The following ADGB variants were observed in gnomAD, a reference collection of about 807,000 sequenced individuals.
The protein encoded by ADGB is calpain-7-like protein.
Under a neutral mutation model 210.5 loss-of-function variants are expected in ADGB, and 172 were observed. The observed-to-expected ratio is 0.82, with a 90% CI of 0.72 to 0.93. The LOEUF is 0.93. Among genes scored for constraint, ADGB ranks in the 40% least tolerant of loss-of-function variants. The probability of loss-of-function intolerance (pLI) is 0.00; values close to 1 mark genes in which losing one functional copy is unlikely to be tolerated. For synonymous variants in ADGB, 658 were observed against 662.7 expected (o/e 0.99, Z 0.11); for missense variants, 2,025 against 1,964.8 (o/e 1.03, Z -0.58).
intron 33 of ADGB, 57 bp from the exon 34 acceptor site, chr6:146,801,126 A>C: frequency 1.1e-6 from 1 of 869,816 alleles, no homozygotes; most frequent in Non-Finnish European, 1.7e-6. Context: ...TCATTTGGTT[A>C]GTCATTATTA....
intron 1 of ADGB, among the ~76,000 whole-genome samples, chr6:146,618,712 G>C (rs529809278): frequency 1.8e-4 from 27 of 152,158 alleles, no homozygotes; most frequent in African/African-American, 6.3e-4. Context: ...AGTCAGAAAA[G>C]ATACTTGATA....
At chr6:146,710,141 A>T (rs554593687) in intron 13 of ADGB, among the ~76,000 whole-genome samples, 6 of 151,014 alleles carry the variant, frequency 4.0e-5, no homozygotes, top group African/African-American at 1.4e-4. Context: ...ACATATATAT[A>T]TAAAATCATA....
intron 13 of ADGB, among the ~76,000 whole-genome samples, chr6:146,701,518 C>T (rs959879481): frequency 6.6e-6 from 1 of 151,938 alleles, no homozygotes; most frequent in Non-Finnish European, 1.5e-5. Context: ...AATATTCTTT[C>T]TCACTATTCT....
At chr6:146,679,868 A>G (rs915636377) in intron 9 of ADGB, among the ~76,000 whole-genome samples, 4 of 152,224 alleles carry the variant, frequency 2.6e-5, no homozygotes, top group Admixed American at 6.6e-5. Flanking sequence ...CCAATATTTG[A>G]GAAAAAATGA....
chr6:146,733,819 C>G, intron 21 of ADGB, 74 bp from the exon 22 acceptor site: 1 of 1,486,818 alleles, frequency 6.7e-7, no homozygotes, highest in Non-Finnish European at 9.1e-7. Context: ...AGGGCTTTGG[C>G]AGCTGAAGGC....
chr6:146,755,897 T>C (rs1030221605), intron 27 of ADGB, among the ~76,000 whole-genome samples: 1 of 152,140 alleles, frequency 6.6e-6, no homozygotes, highest in Non-Finnish European at 1.5e-5. Flanking sequence ...ATAACTGTTA[T>C]TTTTCTATAT....
At chr6:146,771,412 C>T (rs1231042281) in intron 29 of ADGB, among the ~76,000 whole-genome samples, 1 of 152,018 alleles carries the variant, frequency 6.6e-6, no homozygotes, top group Non-Finnish European at 1.5e-5. Flanking sequence ...ATGTTTATTT[C>T]TCTTTGCATG....
At chr6:146,792,847 T>C (rs148694834) in intron 33 of ADGB, among the ~76,000 whole-genome samples, 122 of 152,294 alleles carry the variant, frequency 8.0e-4, no homozygotes, top group African/African-American at 2.7e-3. Flanking sequence ...ATCATTTTAA[T>C]GTTTGCACCC....
intron 35 of ADGB, among the ~76,000 whole-genome samples, chr6:146,804,738 G>A (rs1778185706): frequency 6.6e-6 from 1 of 152,106 alleles, no homozygotes; most frequent in Non-Finnish European, 1.5e-5. Context: ...TCCACAATGT[G>A]GTCTCTGCTT....
chr6:146,778,748 A>AT, intron 29 of ADGB, among the ~76,000 whole-genome samples: 1 of 152,224 alleles, frequency 6.6e-6, no homozygotes, highest in South Asian at 2.1e-4. Flanking sequence ...GGCTAGATGA[A>AT]TTTTTCCACT....
chr6:146,635,590 G>T (rs1775406763), intron 2 of ADGB, 53 bp downstream of exon 2: 4 of 1,427,436 alleles, frequency 2.8e-6, no homozygotes, highest in South Asian at 3.0e-5. Context: ...ATTTTATAAT[G>T]GAATGAGATT....
rs900098309 is a variant in ADGB at position 146,784,807 on chromosome 6, C to T, written c.4212+13C>T. On this transcript the variant is annotated intron_variant, in intron 31 of 35. Transcript: ENST00000397944. Reference sequence around the variant, plus strand: ...AAGAGCAATCAAGGTCACCTGATTTCGAAAAGCTGTCATCTTTTACTTTTC... The same window carrying T: ...AAGAGCAATCAAGGTCACCTGATTTTGAAAAGCTGTCATCTTTTACTTTTC... 3 of 1,537,106 alleles carry T rather than the reference C, an allele frequency of 2.0e-6. No individual in the cohort carries two copies. The highest frequency in any genetic ancestry group is 2.6e-6 in the Non-Finnish European group (3 of 1,141,518).
At chr6:146,663,561 G>A (rs909548666) in intron 5 of ADGB, among the ~76,000 whole-genome samples, 5 of 151,924 alleles carry the variant, frequency 3.3e-5, no homozygotes, top group African/African-American at 1.2e-4. Context: ...ATGAATTTTG[G>A]GGAGAAACAT....
At chr6:146,664,465 T>C in intron 6 of ADGB, 125 bp downstream of exon 6, 1 of 1,000,144 alleles carries the variant, frequency 1.0e-6, no homozygotes, top group Non-Finnish European at 1.4e-6. Flanking sequence ...CTAAACAATG[T>C]AATGCTCTAG....
chr6:146,799,441 G>A (rs1012174933), intron 33 of ADGB, among the ~76,000 whole-genome samples: 1 of 151,436 alleles, frequency 6.6e-6, no homozygotes, highest in African/African-American at 2.4e-5. Context: ...GGCTGAAGCA[G>A]GAGAATCGCT....
intron 13 of ADGB, among the ~76,000 whole-genome samples, chr6:146,708,017 G>T (rs1776600839): frequency 6.6e-6 from 1 of 151,920 alleles, no homozygotes; most frequent in African/African-American, 2.4e-5. Flanking sequence ...ATACCATGAG[G>T]CTTACATCTT....
intron 26 of ADGB, among the ~76,000 whole-genome samples, chr6:146,749,821 GGAGAGA>G (rs113048302): frequency 1.3e-5 from 2 of 150,172 alleles, no homozygotes; most frequent in Admixed American, 1.3e-4. Flanking sequence ...TGGCAGAGCA[GGAGAGA>G]GAGAGAGAGA....
chr6:146,731,920 G>A (rs1776993674), intron 20 of ADGB, among the ~76,000 whole-genome samples: 1 of 152,044 alleles, frequency 6.6e-6, no homozygotes, highest in Non-Finnish European at 1.5e-5. Context: ...GGGGAGAGAG[G>A]CCAATCTTAC....
rs1052132019 is a variant in ADGB at position 146,769,110 on chromosome 6, T to C, written c.3841T>C (p.Leu1281=). The change falls in exon 29 of 36, where the codon TTA becomes CTA. Residue 1281 remains leucine, a synonymous_variant. Coordinates refer to ENST00000397944, the MANE Select transcript of ADGB (RefSeq NM_024694.4). ...QLTFVQALKD[L]KKSNTKAYGE... ...GACATTTGTTCAAGCACTGAAAGAC[T>C]TAAAGAAAAGTAATACCAAAGGTAT... The C allele has an allele frequency of 6.6e-7, 1 of 1,522,804 alleles. No homozygotes were observed. Among genetic ancestry groups the C allele is most frequent in the Non-Finnish European group, 8.9e-7 (1 of 1,126,582 alleles). The allele number at this position is 1,522,804 out of a possible 1,614,324, so 94.3% of individuals were successfully genotyped here.
Sources: allele counts gnomAD v4.1 joint callset (sites outside exome capture counted in the v4.1 genomes callset), GRCh38; gene constraint gnomAD v4.1.1; transcripts MANE v1.5; gene names NCBI Gene and HGNC (gene_info 2026-07-23, HGNC 2026-07-21).